The following WDR41 variants were observed in gnomAD, a reference collection of about 807,000 sequenced individuals.
WDR41 encodes the protein WD repeat domain 41.
In WDR41, 63 loss-of-function variants were observed where a neutral mutation model predicts 69.3. The observed-to-expected ratio is 0.91, with a 90% confidence interval of 0.74 to 1.12. The LOEUF is 1.12. Among genes scored for constraint, WDR41 ranks in the 50% most tolerant of loss-of-function variants. WDR41 has a pLI of 0.00. For missense variants in WDR41, 543 were observed against 534.5 expected, an observed-to-expected ratio of 1.02 and a Z score of -0.16; for synonymous variants, 185 against 192.1, an observed-to-expected ratio of 0.96 and a Z score of 0.31.
At chr5:77,480,474 C>A (rs889817165) in intron 2 of WDR41, among the ~76,000 whole-genome samples, 3 of 152,042 alleles carry the variant, frequency 2.0e-5, no homozygotes, top group Non-Finnish European at 4.4e-5. Context: ...CACATATACA[C>A]CATGGAATAC....
At chr5:77,451,160 C>T in intron 7 of WDR41, 131 bp downstream of exon 7, 1 of 785,028 alleles carries the variant, frequency 1.3e-6, no homozygotes, top group Non-Finnish European at 2.1e-6. Context: ...CTCTGTATCA[C>T]TTCAACAATC....
chr5:77,538,932 C>G (rs1743039446), intron 1 of WDR41, among the ~76,000 whole-genome samples: 1 of 152,036 alleles, frequency 6.6e-6, no homozygotes, highest in Non-Finnish European at 1.5e-5. Flanking sequence ...ATAACAAATA[C>G]CATAGATTAG....
chr5:77,481,028 GT>G (rs371537112), intron 2 of WDR41, among the ~76,000 whole-genome samples: 77 of 142,772 alleles, frequency 5.4e-4, no homozygotes, highest in Middle Eastern at 3.5e-3. Context: ...TTTCTGGGTT[GT>G]TTTTTTTTTT....
chr5:77,606,777 T>C (rs773319693), intron 1 of WDR41, among the ~76,000 whole-genome samples: 5 of 151,134 alleles, frequency 3.3e-5, no homozygotes, highest in Non-Finnish European at 5.9e-5. Flanking sequence ...CATTCCAGCC[T>C]ACATGGAAGA....
intron 1 of WDR41, chr5:77,499,272 A>C (rs1023762087): frequency 6.6e-6 from 1 of 152,252 alleles, no homozygotes; most frequent in African/African-American, 2.4e-5. Context: ...GCCTGAATCC[A>C]ATGCAACCTC....
intron 1 of WDR41, among the ~76,000 whole-genome samples, chr5:77,553,183 G>A (rs1743330388): frequency 6.6e-6 from 1 of 152,108 alleles, no homozygotes; most frequent in African/African-American, 2.4e-5. Flanking sequence ...CCTCAAACTG[G>A]GTAATTTATA....
intron 1 of WDR41, among the ~76,000 whole-genome samples, chr5:77,558,445 C>T (rs375312435): frequency 6.6e-5 from 10 of 152,158 alleles, no homozygotes; most frequent in African/African-American, 2.4e-4. Flanking sequence ...AGCAGATTGC[C>T]GCATTCACCA....
At chr5:77,581,834 A>T (rs1349108293) in intron 1 of WDR41, among the ~76,000 whole-genome samples, 3 of 152,318 alleles carry the variant, frequency 2.0e-5, no homozygotes, top group African/African-American at 7.2e-5. Flanking sequence ...AATTTATGGG[A>T]TGCAGCTAAA....
At chr5:77,563,597 C>G (rs997905353) in intron 1 of WDR41, among the ~76,000 whole-genome samples, 4 of 152,140 alleles carry the variant, frequency 2.6e-5, no homozygotes, top group African/African-American at 9.7e-5. Context: ...TTCACCAACT[C>G]ATTACTGAGT....
At chr5:77,562,293 T>C (rs560787964) in intron 1 of WDR41, among the ~76,000 whole-genome samples, 2 of 152,312 alleles carry the variant, frequency 1.3e-5, no homozygotes, top group South Asian at 2.1e-4. Context: ...GTGAGTTTTC[T>C]ACATGTGAAT....
chr5:77,454,223 A>C (rs1218712551), intron 5 of WDR41, among the ~76,000 whole-genome samples: 1 of 152,154 alleles, frequency 6.6e-6, no homozygotes, highest in East Asian at 1.9e-4. Context: ...ACATGGAGAA[A>C]GGTCCATGTA....
intron 1 of WDR41, among the ~76,000 whole-genome samples, chr5:77,564,050 C>T (rs1045497323): frequency 2.6e-5 from 4 of 152,098 alleles, no homozygotes; most frequent in African/African-American, 9.7e-5. Flanking sequence ...ATAAAATATG[C>T]ATAATACCTA....
intron 1 of WDR41, among the ~76,000 whole-genome samples, chr5:77,547,219 G>A (rs1226243226): frequency 6.6e-6 from 1 of 151,936 alleles, no homozygotes; most frequent in African/African-American, 2.4e-5. Context: ...AACAAGACAG[G>A]GATGCCCACT....
At chr5:77,479,037 CAGAG>C (rs937383847) in intron 2 of WDR41, among the ~76,000 whole-genome samples, 7 of 151,822 alleles carry the variant, frequency 4.6e-5, no homozygotes, top group Admixed American at 2.0e-4. Flanking sequence ...CAACAACAAA[CAGAG>C]AGCCAAATCA....
chr5:77,553,342 T>C (rs1404288634), intron 1 of WDR41, among the ~76,000 whole-genome samples: 3 of 152,086 alleles, frequency 2.0e-5, no homozygotes, highest in Admixed American at 2.0e-4. Flanking sequence ...AAATGCTGTG[T>C]TCTCAAATAG....
chr5:77,588,931 C>T (rs1744086400), intron 1 of WDR41, among the ~76,000 whole-genome samples: 1 of 152,134 alleles, frequency 6.6e-6, no homozygotes, highest in Non-Finnish European at 1.5e-5. Flanking sequence ...CACTTAGGAA[C>T]ACCAGCAAGC....
chr5:77,470,676 C>A (rs1413829318), intron 2 of WDR41, among the ~76,000 whole-genome samples: 1 of 152,112 alleles, frequency 6.6e-6, no homozygotes, highest in Non-Finnish European at 1.5e-5. Flanking sequence ...TCAAAAGAGA[C>A]AAAGAAGGCC....
chr5:77,507,740 CTT>C (rs941864846), intron 1 of WDR41, among the ~76,000 whole-genome samples: 7 of 152,226 alleles, frequency 4.6e-5, no homozygotes, highest in Admixed American at 1.3e-4. Flanking sequence ...GTATGGATCT[CTT>C]TGTTTATTCT....
chr5:77,434,718 G>A (rs1798873558), intron 12 of WDR41, among the ~76,000 whole-genome samples: 1 of 151,894 alleles, frequency 6.6e-6, no homozygotes, highest in Admixed American at 6.6e-5. Context: ...AAGAAATGAG[G>A]AAATTCAGGT....
Sources: gnomAD v4.1 joint callset for allele counts (sites outside exome capture counted in the v4.1 genomes callset) on GRCh38, gnomAD v4.1.1 for gene constraint, MANE v1.5 for transcripts, NCBI Gene and HGNC (gene_info 2026-07-23, HGNC 2026-07-21) for gene names.